The following SIK3 variants were observed in gnomAD, a reference collection of about 807,000 sequenced individuals.
SIK3 encodes the protein serine/threonine-protein kinase SIK3.
A neutral mutation model predicts 144.2 loss-of-function variants in SIK3; 28 were observed. The observed-to-expected ratio is 0.19, with a 90% CI of 0.14 to 0.27. SIK3 has a LOEUF of 0.27. Ranked by LOEUF, SIK3 falls within the 10% of genes least tolerant of loss-of-function variation. The pLI, the probability that SIK3 is intolerant of heterozygous loss-of-function variation, is 1.00. For missense variants in SIK3, 1,319 were observed against 1,776.0 expected (o/e 0.74, Z 4.62); for synonymous variants, 686 against 676.3 (o/e 1.01, Z -0.22).
At chr11:116,970,536 A>T (rs1435633942) in intron 1 of SIK3, among the ~76,000 whole-genome samples, 1 of 152,036 alleles carries the variant, frequency 6.6e-6, no homozygotes, top group Admixed American at 6.6e-5. Flanking sequence ...TATTTTTGTA[A>T]AGATGAGGTC....
intron 3 of SIK3, among the ~76,000 whole-genome samples, chr11:116,932,308 T>G (rs566431036): frequency 6.6e-6 from 1 of 152,332 alleles, no homozygotes; most frequent in East Asian, 1.9e-4. Context: ...TCACAGGAAG[T>G]TGCAAAGACA....
intron 1 of SIK3, among the ~76,000 whole-genome samples, chr11:117,001,065 T>C (rs1204463094): frequency 1.3e-5 from 2 of 152,262 alleles, no homozygotes; most frequent in Non-Finnish European, 2.9e-5. Flanking sequence ...ATAATATCAC[T>C]ATTCTATCTC....
intron 6 of SIK3, 116 bp downstream of exon 6, chr11:116,896,137 G>T: frequency 7.1e-7 from 1 of 1,412,486 alleles, no homozygotes; most frequent in Non-Finnish European, 9.7e-7. Flanking sequence ...CAGCAAGCTG[G>T]AGTTAAAAAA....
intron 13 of SIK3, 147 bp downstream of exon 13, chr11:116,873,334 C>A (rs900190431): frequency 7.8e-5 from 82 of 1,049,368 alleles, no homozygotes; most frequent in Non-Finnish European, 1.1e-4. Flanking sequence ...ACTCTACTGG[C>A]CTGAAGAAAA....
intron 1 of SIK3, among the ~76,000 whole-genome samples, chr11:117,023,581 A>AAAAC (rs1173784198): frequency 2.5e-4 from 27 of 106,358 alleles, no homozygotes; most frequent in East Asian, 1.2e-3. Flanking sequence ...AATATTCTTA[A>AAAAC]AAACAAACAA....
chr11:117,014,950 G>A lies in SIK3; in HGVS notation c.274-57886C>T, dbSNP rs143230324. ...ACGATAGTGTGCACCTTTAGTCCCAGCTACTCAGGAGGCTGAGGCAGGAGG... is the reference window on the plus strand; with the variant it reads ...ACGATAGTGTGCACCTTTAGTCCCAACTACTCAGGAGGCTGAGGCAGGAGG... On this transcript the variant is annotated intron_variant, in intron 1 of 24. Coordinates refer to ENST00000445177, the MANE Select transcript of SIK3 (RefSeq NM_001366686.3). 2.9e-3 allele frequency among the ~76,000 whole-genome samples: 443 copies of A among 152,160 alleles called. 2 individuals are homozygous for A. Among genetic ancestry groups the A allele is most frequent in the African/African-American group, 0.01 (423 of 41,498 alleles).
chr11:116,987,950 G>C (rs1950376138), intron 1 of SIK3, among the ~76,000 whole-genome samples: 1 of 152,138 alleles, frequency 6.6e-6, no homozygotes, highest in Non-Finnish European at 1.5e-5. Flanking sequence ...AACTTCATGA[G>C]GTATGTAAAG....
chr11:117,031,806 T>G (rs1170317886), intron 1 of SIK3, among the ~76,000 whole-genome samples: 1 of 149,102 alleles, frequency 6.7e-6, no homozygotes, highest in African/African-American at 2.5e-5. Flanking sequence ...CCTCCCAAAG[T>G]GCTGGGATTA....
At chr11:117,030,756 G>A (rs1261304838) in intron 1 of SIK3, among the ~76,000 whole-genome samples, 1 of 152,070 alleles carries the variant, frequency 6.6e-6, no homozygotes, top group Non-Finnish European at 1.5e-5. Flanking sequence ...CTGCAGCCTC[G>A]ACTTTCCAGG....
rs1262530310 is a variant in SIK3 at position 116,988,939 on chromosome 11, A to AAAAAC, written c.274-31880_274-31876dup. 1.2e-4 allele frequency among the ~76,000 whole-genome samples: 19 copies of AAAAAC among 152,032 alleles called. No individual in the cohort carries two copies. In the South Asian group the frequency reaches 3.7e-3, roughly 30 times the overall value. The stretch of plus-strand genomic sequence containing the variant: ...ATCAATGAACCTAAATACTGGAAGA[A>AAAAAC]AAAACAAAACAAAACAAAAAAAAAC... On this transcript the variant is annotated intron_variant, in intron 1 of 24. Transcript: ENST00000445177.
chr11:116,885,928 A>G (rs902927075), intron 6 of SIK3, among the ~76,000 whole-genome samples: 5 of 152,248 alleles, frequency 3.3e-5, no homozygotes, highest in African/African-American at 7.2e-5. Flanking sequence ...TGTTCTGAAC[A>G]TTAAATAAGG....
intron 1 of SIK3, among the ~76,000 whole-genome samples, chr11:116,996,044 A>G (rs1475139908): frequency 6.6e-6 from 1 of 152,192 alleles, no homozygotes; most frequent in African/African-American, 2.4e-5. Context: ...GCAGTGGTTC[A>G]TGCCTATAAT....
intron 19 of SIK3, among the ~76,000 whole-genome samples, chr11:116,860,902 T>C (rs1943287021): frequency 6.6e-6 from 1 of 152,168 alleles, no homozygotes; most frequent in Non-Finnish European, 1.5e-5. Flanking sequence ...GTGCAATCTC[T>C]CTCCTGCCAC....
chr11:116,859,172 T>C, intron 20 of SIK3, 93 bp downstream of exon 20: 2 of 1,178,936 alleles, frequency 1.7e-6, no homozygotes, highest in Non-Finnish European at 2.4e-6. Context: ...GTCAGACCCA[T>C]TCTCCTTCCC....
intron 4 of SIK3, among the ~76,000 whole-genome samples, chr11:116,916,270 T>C (rs1186678044): frequency 1.3e-5 from 2 of 152,116 alleles, no homozygotes; most frequent in African/African-American, 4.8e-5. Context: ...GAAATACCCA[T>C]GCCTACCACT....
chr11:116,949,866 G>A lies in SIK3; in HGVS notation c.454+4178C>T, dbSNP rs549982132. ...TTGCAAATGAAGTCAGTTCCTTTGG[G>A]AAGAAATTAGGAGCTGTTTTATGGT... On this transcript the variant is annotated intron_variant, in intron 3 of 24. Coordinates refer to ENST00000445177, the MANE Select transcript of SIK3 (RefSeq NM_001366686.3). Among the ~76,000 whole-genome samples the A allele has an allele frequency of 2.0e-5, 3 of 152,200 alleles. No homozygotes were observed. The South Asian group carries it at 6.2e-4, about 32-fold the overall frequency.
intron 1 of SIK3, among the ~76,000 whole-genome samples, chr11:117,026,897 T>G (rs73594164): frequency 0.057 from 8,608 of 152,138 alleles, 523 homozygotes; most frequent in African/African-American, 0.15. Context: ...GAAAAAAGAA[T>G]GGAGAAAATA....
intron 1 of SIK3, among the ~76,000 whole-genome samples, chr11:116,984,759 A>G (rs1358183198): frequency 6.6e-6 from 1 of 152,160 alleles, no homozygotes; most frequent in Non-Finnish European, 1.5e-5. Context: ...CCTTCTCTCC[A>G]TACCAACAAA....
intron 1 of SIK3, among the ~76,000 whole-genome samples, chr11:117,008,075 CAAAAAAAAAA>C (rs59486431): frequency 1.3e-4 from 7 of 54,664 alleles, no homozygotes; most frequent in East Asian, 1.6e-3. Context: ...GACTCCATCT[CAAAAAAAAAA>C]AAAAAAAAAA....
Sources: allele counts gnomAD v4.1 joint callset (sites outside exome capture counted in the v4.1 genomes callset), GRCh38; gene constraint gnomAD v4.1.1; transcripts MANE v1.5; gene names NCBI Gene and HGNC (gene_info 2026-07-23, HGNC 2026-07-21).